The following DPP10 variants were observed in gnomAD, a reference collection of about 807,000 sequenced individuals.
The protein encoded by DPP10 is dipeptidyl peptidase like 10.
Under a neutral mutation model 120.9 loss-of-function variants are expected in DPP10, and 33 were observed. The ratio of observed to expected loss-of-function variants is 0.27; its 90% CI spans 0.21 to 0.37. DPP10 has a LOEUF of 0.37. DPP10 is among the 10% of genes least tolerant of loss of function. The pLI is 1.00. For synonymous variants in DPP10, 337 were observed against 326.1 expected, an observed-to-expected ratio of 1.03 and a Z score of -0.36; for missense variants, 816 against 942.8, an observed-to-expected ratio of 0.87 and a Z score of 1.76.
At chr2:114,802,712 A>G (rs2139412) in intron 1 of DPP10, among the ~76,000 whole-genome samples, 83,921 of 151,922 alleles carry the variant, frequency 0.55, 23,479 homozygotes, top group East Asian at 0.78. Flanking sequence ...CTTTTTGTAT[A>G]TTCTTCTTAG....
intron 1 of DPP10, among the ~76,000 whole-genome samples, chr2:115,216,654 G>A (rs956831582): frequency 2.0e-5 from 3 of 151,778 alleles, no homozygotes; most frequent in Non-Finnish European, 4.4e-5. Context: ...TGTGCTGGCG[G>A]GCACCTATAA....
intron 19 of DPP10, among the ~76,000 whole-genome samples, chr2:115,792,495 T>C (rs1355353404): frequency 6.6e-6 from 1 of 152,210 alleles, no homozygotes; most frequent in Non-Finnish European, 1.5e-5. Flanking sequence ...TCATTTCTAA[T>C]TCTAATTATT....
chr2:114,751,896 C>T lies in DPP10; in HGVS notation c.60+309058C>T, dbSNP rs573242704. The stretch of plus-strand genomic sequence containing the variant: ...AACTTTAATGTGCTTACCAGTCGCC[C>T]GGGATTTTATTAAAGTGCAGATTGT... On this transcript the variant is annotated intron_variant, in intron 1 of 25. Transcript: ENST00000410059. Among the ~76,000 whole-genome samples, 57 of 152,250 alleles carry T rather than the reference C, an allele frequency of 3.7e-4. No individual in the cohort carries two copies. In the South Asian group the frequency reaches 4.1e-3, roughly 11 times the overall value.
chr2:115,498,041 TC>T (rs34036014), intron 3 of DPP10, among the ~76,000 whole-genome samples: 29,250 of 151,858 alleles, frequency 0.19, 3,636 homozygotes, highest in East Asian at 0.39. Flanking sequence ...GAACTATCAG[TC>T]CATACGGCCA....
intron 1 of DPP10, among the ~76,000 whole-genome samples, chr2:114,717,590 G>T (rs575365569): frequency 6.6e-6 from 1 of 152,096 alleles, no homozygotes; most frequent in African/African-American, 2.4e-5. Context: ...AATGTATAAG[G>T]TTTGCTAGAT....
intron 1 of DPP10, among the ~76,000 whole-genome samples, chr2:114,772,320 G>A (rs1256190765): frequency 1.3e-5 from 2 of 151,734 alleles, no homozygotes; most frequent in East Asian, 1.9e-4. Context: ...ACCATGCCTC[G>A]CTAATTGTTT....
At chr2:115,326,526 T>C (rs1231857174) in intron 2 of DPP10, among the ~76,000 whole-genome samples, 1 of 152,030 alleles carries the variant, frequency 6.6e-6, no homozygotes, top group Non-Finnish European at 1.5e-5. Flanking sequence ...TATAATAGCC[T>C]CACGAATGTT....
At chr2:115,344,337 C>T (rs958011289) in intron 3 of DPP10, among the ~76,000 whole-genome samples, 21 of 152,076 alleles carry the variant, frequency 1.4e-4, no homozygotes, top group Non-Finnish European at 2.1e-4. Flanking sequence ...TCATTAGTTA[C>T]ATGACTTTAA....
At chr2:115,440,144 T>C (rs1276571820) in intron 3 of DPP10, among the ~76,000 whole-genome samples, 1 of 152,010 alleles carries the variant, frequency 6.6e-6, no homozygotes, top group Non-Finnish European at 1.5e-5. Flanking sequence ...AGAAAGATAA[T>C]ATGTGTGTGT....
At chr2:115,096,515 C>A (rs1285506293) in intron 1 of DPP10, among the ~76,000 whole-genome samples, 1 of 152,130 alleles carries the variant, frequency 6.6e-6, no homozygotes, top group Non-Finnish European at 1.5e-5. Context: ...GGAATAAAAG[C>A]CACTAGTCAG....
chr2:115,085,734 G>A (rs904653404), intron 1 of DPP10, among the ~76,000 whole-genome samples: 11 of 152,196 alleles, frequency 7.2e-5, no homozygotes, highest in Middle Eastern at 3.4e-3. Flanking sequence ...TCCTATTATA[G>A]TGCTGTTTGT....
At chr2:115,293,930 A>G in intron 1 of DPP10, among the ~76,000 whole-genome samples, 1 of 152,108 alleles carries the variant, frequency 6.6e-6, no homozygotes, top group East Asian at 1.9e-4. Context: ...AGCCAAGTCA[A>G]AAGATGGAGA....
chr2:115,351,646 A>G (rs2064042352), intron 3 of DPP10, among the ~76,000 whole-genome samples: 1 of 152,098 alleles, frequency 6.6e-6, no homozygotes, highest in Non-Finnish European at 1.5e-5. Flanking sequence ...AATGTAAATC[A>G]TGGTTATCAA....
chr2:114,532,439 C>G (rs1001382751), intron 1 of DPP10, among the ~76,000 whole-genome samples: 1 of 151,294 alleles, frequency 6.6e-6, no homozygotes, highest in Admixed American at 6.6e-5. Context: ...AACGTATGCA[C>G]AGTCTATAAA....
intron 7 of DPP10, among the ~76,000 whole-genome samples, chr2:115,709,953 T>C (rs1575578260): frequency 6.6e-6 from 1 of 152,122 alleles, no homozygotes; most frequent in African/African-American, 2.4e-5. Flanking sequence ...AAACACAATA[T>C]ATTCAAGGAT....
chr2:114,983,609 T>C (rs1489372755), intron 1 of DPP10, among the ~76,000 whole-genome samples: 1 of 152,200 alleles, frequency 6.6e-6, no homozygotes, highest in Non-Finnish European at 1.5e-5. Context: ...AAGGCTTTCA[T>C]GAGTTATATA....
intron 1 of DPP10, among the ~76,000 whole-genome samples, chr2:114,753,496 A>G (rs1472454803): frequency 2.6e-5 from 4 of 152,204 alleles, no homozygotes; most frequent in Admixed American, 6.5e-5. Flanking sequence ...GACTCTCCAT[A>G]TAACAATTTT....
rs151181336 is a variant in DPP10, at chr2:115,100,410, C to T, written c.61-208829C>T. 1.3e-3 allele frequency among the ~76,000 whole-genome samples: 199 copies of T among 152,080 alleles called. 3 individuals carry two copies. In the East Asian group the frequency reaches 0.031, roughly 24 times the overall value. ...GCTGCAGTGAGTTATAATCTTGCCA[C>T]AGGACTTTAGCCGCTGAGTGACAGA... On this transcript the variant is annotated intron_variant, in intron 1 of 25. Transcript: ENST00000410059.
intron 1 of DPP10, among the ~76,000 whole-genome samples, chr2:115,011,396 G>A (rs758368536): frequency 3.3e-5 from 5 of 152,050 alleles, no homozygotes; most frequent in African/African-American, 4.8e-5. Flanking sequence ...TGTAATTGTG[G>A]AATTGTCTGT....
Sources: gnomAD v4.1 joint callset for allele counts (sites outside exome capture counted in the v4.1 genomes callset) on GRCh38, gnomAD v4.1.1 for gene constraint, MANE v1.5 for transcripts, NCBI Gene and HGNC (gene_info 2026-07-23, HGNC 2026-07-21) for gene names.